Variants in GFRA1 observed in about 807,000 individuals in gnomAD.
GFRA1 encodes GDNF family receptor alpha-1.
GFRA1 carries 16 observed loss-of-function variants against 51.6 expected under a neutral mutation model. The ratio of observed to expected loss-of-function variants is 0.31; its 90% CI spans 0.21 to 0.47. GFRA1 has a LOEUF of 0.47. Among genes scored for constraint, GFRA1 ranks in the 20% least tolerant of loss-of-function variants. The probability of loss-of-function intolerance (pLI) is 1.00; values close to 1 mark genes in which losing one functional copy is unlikely to be tolerated. For synonymous variants in GFRA1, 270 were observed against 241.3 expected, an observed-to-expected ratio of 1.12 and a Z score of -1.10; for missense variants, 530 against 594.3, an observed-to-expected ratio of 0.89 and a Z score of 1.13.
chr10:116,178,398 T>A (rs1341748147), intron 5 of GFRA1, among the ~76,000 whole-genome samples: 1 of 152,302 alleles, frequency 6.6e-6, no homozygotes, highest in East Asian at 1.9e-4. Context: ...GTTATTTGAA[T>A]GTCTCTTGGC....
intron 4 of GFRA1, among the ~76,000 whole-genome samples, chr10:116,230,733 CACA>C (rs1966628026): frequency 6.6e-5 from 10 of 152,208 alleles, no homozygotes; most frequent in Admixed American, 3.3e-4. Flanking sequence ...CACACACACA[CACA>C]CACACACAGA....
chr10:116,099,880 C>G (rs964575191), intron 6 of GFRA1, among the ~76,000 whole-genome samples: 12 of 152,188 alleles, frequency 7.9e-5, no homozygotes, highest in Non-Finnish European at 1.3e-4. Context: ...TTAGGTATAT[C>G]TTTACAAACT....
At chr10:116,230,476 G>C (rs974337989) in intron 4 of GFRA1, among the ~76,000 whole-genome samples, 2 of 152,144 alleles carry the variant, frequency 1.3e-5, no homozygotes, top group African/African-American at 4.8e-5. Context: ...TCTGCTCCTC[G>C]TAAGTTCCTG....
chr10:116,148,299 T>C lies in GFRA1; in HGVS notation c.434-22742A>G, dbSNP rs1171140303. ...TGAGGCACAGCAGTTAGCTAGCTAA[T>C]AGCAGAGTCAGGAGAAGAACCCAGA... On this transcript the variant is annotated intron_variant, in intron 5 of 10. Transcript: ENST00000355422. Among the ~76,000 whole-genome samples the C allele has an allele frequency of 1.1e-4, 16 of 152,178 alleles. No homozygotes were observed. In the East Asian group the frequency reaches 2.7e-3, roughly 26 times the overall value.
chr10:116,106,730 C>T (rs1213581392), intron 6 of GFRA1, among the ~76,000 whole-genome samples: 3 of 149,074 alleles, frequency 2.0e-5, no homozygotes, highest in African/African-American at 7.5e-5. Flanking sequence ...TTCCATCTTT[C>T]ACCACTTGAT....
intron 5 of GFRA1, among the ~76,000 whole-genome samples, chr10:116,126,273 A>T (rs1041517760): frequency 6.6e-6 from 1 of 152,242 alleles, no homozygotes; most frequent in African/African-American, 2.4e-5. Flanking sequence ...TTTTGAATAG[A>T]ATTTCAATGG....
intron 5 of GFRA1, among the ~76,000 whole-genome samples, chr10:116,126,941 A>G (rs528159686): frequency 4.6e-5 from 7 of 152,340 alleles, no homozygotes; most frequent in Non-Finnish European, 7.3e-5. Context: ...TACAATGCGT[A>G]ACAACATGGA....
At chr10:116,229,092 A>G (rs1455901502) in intron 4 of GFRA1, among the ~76,000 whole-genome samples, 1 of 148,498 alleles carries the variant, frequency 6.7e-6, no homozygotes, top group African/African-American at 2.5e-5. Flanking sequence ...AGTCCTGCCG[A>G]CTCCTCGAGT....
Position 116,171,624 on chromosome 10 carries a change from G to A in GFRA1, c.433+40007C>T, listed in dbSNP as rs141545917. On this transcript the variant is annotated intron_variant, in intron 5 of 10. Transcript: ENST00000355422. ...AAAATTTCTCTGATTAAGTAATTTC[G>A]TGTAATTAAATCACCAGATTTATTA... Among the ~76,000 whole-genome samples the A allele has an allele frequency of 2.8e-3, 426 of 152,190 alleles. 2 individuals are homozygous for A. The highest frequency in any genetic ancestry group is 9.5e-3 in the African/African-American group (393 of 41,534).
In GFRA1 at chr10:116,272,255, G is replaced by A; in HGVS notation, c.-226C>T. On this transcript the variant is annotated 5_prime_UTR_variant, in exon 2 of 11. Coordinates refer to ENST00000355422, the MANE Select transcript of GFRA1 (RefSeq NM_005264.8). The surrounding 1 kb of genome is among the most constrained non-coding windows in gnomAD (Gnocchi z 4.4). The stretch of plus-strand genomic sequence containing the variant: ...AGGGCGGGAGGCGGTTCCGCTTTTA[G>A]GGGTTCAGGTCCGACCCAACCTGGA... 2 of 606,514 alleles carry A rather than the reference G, an allele frequency of 3.3e-6. No homozygotes were observed. The highest frequency in any genetic ancestry group is 2.0e-5 in the South Asian group (1 of 51,106). The allele number at this position is 606,514 out of a possible 1,614,324, so 37.6% of individuals were successfully genotyped here. A position where few individuals can be genotyped will look rare whatever the true frequency, so the allele number is the denominator to read the frequency against.
intron 4 of GFRA1, among the ~76,000 whole-genome samples, chr10:116,225,998 G>A (rs1414540881): frequency 6.6e-6 from 1 of 152,006 alleles, no homozygotes; most frequent in Non-Finnish European, 1.5e-5. Flanking sequence ...TGTTTCTATT[G>A]GACAGTGCTG....
At chr10:116,099,701 G>A (rs1285843359) in intron 6 of GFRA1, among the ~76,000 whole-genome samples, 1 of 152,148 alleles carries the variant, frequency 6.6e-6, no homozygotes, top group Admixed American at 6.5e-5. Context: ...CAAGTGCCAT[G>A]ATATAATGAT....
chr10:116,113,649 C>CTTT, intron 6 of GFRA1, among the ~76,000 whole-genome samples: 1 of 152,198 alleles, frequency 6.6e-6, no homozygotes, highest in South Asian at 2.1e-4. Flanking sequence ...CGGCATTCGG[C>CTTT]AACATGAGCT....
intron 4 of GFRA1, among the ~76,000 whole-genome samples, chr10:116,245,924 G>A (rs1306071426): frequency 1.3e-5 from 2 of 152,214 alleles, no homozygotes; most frequent in African/African-American, 2.4e-5. Context: ...AGGCTTAGGA[G>A]AAGAGGAGGG....
chr10:116,220,944 T>C (rs1005464373), intron 4 of GFRA1, among the ~76,000 whole-genome samples: 7 of 151,858 alleles, frequency 4.6e-5, no homozygotes, highest in African/African-American at 1.4e-4. Context: ...ATACACCTGT[T>C]ATTTTCTTTC....
intron 8 of GFRA1, among the ~76,000 whole-genome samples, chr10:116,090,261 G>A (rs1956275831): frequency 6.6e-6 from 1 of 151,984 alleles, no homozygotes; most frequent in African/African-American, 2.4e-5. Flanking sequence ...CATCAGTACT[G>A]TTACTTGGGA....
chr10:116,091,870 T>A (rs969456179), intron 8 of GFRA1, among the ~76,000 whole-genome samples: 3 of 152,152 alleles, frequency 2.0e-5, no homozygotes, highest in Non-Finnish European at 4.4e-5. Flanking sequence ...CAAAATGCAT[T>A]TATTTTTATT....
At chr10:116,127,071 T>A (rs1957907642) in intron 5 of GFRA1, among the ~76,000 whole-genome samples, 1 of 147,282 alleles carries the variant, frequency 6.8e-6, no homozygotes, top group Non-Finnish European at 1.5e-5. Context: ...GAGAGTGGAA[T>A]GATGGTTGCC....
rs1034197764 is a variant in GFRA1, at chr10:116,061,258, A to AAAG, written c.*3139_*3140insCTT. 1 of 151,988 alleles carries AAAG rather than the reference A, an allele frequency of 6.6e-6. No individual in the cohort carries two copies. The highest frequency in any genetic ancestry group is 6.6e-5 in the Admixed American group (1 of 15,252). The allele number at this position is 151,988 out of a possible 1,614,324, so 9.4% of individuals were successfully genotyped here. On this transcript the variant is annotated 3_prime_UTR_variant, in exon 11 of 11. Transcript: ENST00000355422. ...CACAAAAGTCTGTTAAAAAAAAAAA[A>AAAG]AAAGAAATGGAAACCACACTCCTAT...
Sources: allele counts gnomAD v4.1 joint callset (sites outside exome capture counted in the v4.1 genomes callset), GRCh38; gene constraint gnomAD v4.1.1; non-coding constraint Gnocchi (gnomAD v3.1); transcripts MANE v1.5; gene names NCBI Gene and HGNC (gene_info 2026-07-23, HGNC 2026-07-21).